Variants in USH2A observed in about 807,000 individuals in gnomAD.
The protein encoded by USH2A is Usher syndrome 2A (autosomal recessive, mild).
USH2A carries 443 observed loss-of-function variants against 538.9 expected under a neutral mutation model. The ratio of observed to expected loss-of-function variants is 0.82; its 90% confidence interval spans 0.76 to 0.89. USH2A has a LOEUF of 0.89. USH2A is among the 40% of genes least tolerant of loss of function. The pLI is 0.00. For missense variants in USH2A, 6,633 were observed against 6,324.8 expected, an observed-to-expected ratio of 1.05 and a Z score of -1.65; for synonymous variants, 2,413 against 2,273.5, an observed-to-expected ratio of 1.06 and a Z score of -1.75.
In USH2A at chr1:215,936,324, T is replaced by C. The variant is rs574026005; in HGVS notation, c.7121-1529A>G. The stretch of plus-strand genomic sequence containing the variant: ...TATACAAAATGCAAGGTTTACAATA[T>C]TTACAAAAACATTATATTTTAACAC... On this transcript the variant is annotated intron_variant, in intron 37 of 71. Transcript: ENST00000307340. 1.3e-3 allele frequency among the ~76,000 whole-genome samples: 200 copies of C among 152,142 alleles called. 1 individual carries two copies. The highest frequency in any genetic ancestry group is 4.7e-3 in the African/African-American group (195 of 41,552).
intron 3 of USH2A, among the ~76,000 whole-genome samples, chr1:216,368,437 A>C (rs184066813): frequency 2.0e-4 from 31 of 152,318 alleles, no homozygotes; most frequent in African/African-American, 7.5e-4. Context: ...GAACTAAAAG[A>C]AACTGCTGAC....
At chr1:216,275,818 C>T (rs1290076562) in intron 11 of USH2A, among the ~76,000 whole-genome samples, 2 of 152,026 alleles carry the variant, frequency 1.3e-5, no homozygotes, top group African/African-American at 4.8e-5. Context: ...ATGAACATTG[C>T]TATTTCCTAT....
intron 21 of USH2A, among the ~76,000 whole-genome samples, chr1:216,140,209 G>A (rs905775560): frequency 6.6e-6 from 1 of 152,086 alleles, no homozygotes; most frequent in Admixed American, 6.6e-5. Flanking sequence ...ACGGATTGCT[G>A]TTCACCTGCT....
intron 44 of USH2A, among the ~76,000 whole-genome samples, chr1:215,857,618 G>A (rs535923331): frequency 6.6e-6 from 1 of 152,288 alleles, no homozygotes; most frequent in South Asian, 2.1e-4. Context: ...ATCCCCTGGT[G>A]CATCCCACGT....
At chr1:215,722,850 A>T (rs893231409) in intron 61 of USH2A, among the ~76,000 whole-genome samples, 1 of 152,208 alleles carries the variant, frequency 6.6e-6, no homozygotes, top group Non-Finnish European at 1.5e-5. Flanking sequence ...GGGCACAGAT[A>T]ATAGGTAAAC....
In USH2A at chr1:215,878,771, T is replaced by C. The variant is rs377730885; in HGVS notation, c.8551A>G (p.Asn2851Asp). 3.7e-6 allele frequency: 6 copies of C among 1,613,824 alleles called. No homozygotes were observed. The African/African-American group carries it at 6.7e-5, about 18-fold the overall frequency. The change falls in exon 42 of 72, where the codon AAT (asparagine) becomes GAT (aspartate). Residue 2851 changes from asparagine (N) to aspartate (D), a missense_variant. Transcript: ENST00000307340. ...ATAGTCACCTTCTCTTACCTCAAAT[T>C]AGGTCCATTTGGCTTGGATGGTGGT... is the stretch of plus-strand genomic sequence containing the variant. ...WQPPSKPNGPNLRYELLRRKI... is the reference protein window; with the variant it reads ...WQPPSKPNGPDLRYELLRRKI...
Position 215,640,599 on chromosome 1 carries a change from C to A in USH2A, c.14927G>T (p.Gly4976Val), listed in dbSNP as rs769793837. ...CGGTATGTAGAGGGTGGTGTCCAAG[C>A]CGCTGTACACGCGTCGCCCTCCGTC... ...LTDGGRRVYS[G>V]LDTTLYIPRT... The change falls in exon 68 of 72, where the codon GGC becomes GTC. Residue 4976 changes from glycine to valine, a missense_variant. Gly to Val is a moderately radical substitution (Grantham distance 109). Coordinates refer to ENST00000307340, the MANE Select transcript of USH2A (RefSeq NM_206933.4). 2 of 1,613,792 alleles carry A rather than the reference C, an allele frequency of 1.2e-6. No individual in the cohort carries two copies. Among genetic ancestry groups the A allele is most frequent in the Non-Finnish European group, 1.7e-6 (2 of 1,179,976 alleles).
At chr1:216,029,225 A>G (rs922319613) in intron 32 of USH2A, among the ~76,000 whole-genome samples, 2 of 152,042 alleles carry the variant, frequency 1.3e-5, no homozygotes, top group African/African-American at 4.8e-5. Context: ...GAATTTAGCA[A>G]TTATTGAATT....
At chr1:216,192,176 C>T (rs2034729869) in intron 19 of USH2A, among the ~76,000 whole-genome samples, 1 of 151,972 alleles carries the variant, frequency 6.6e-6, no homozygotes, top group Admixed American at 6.6e-5. Context: ...TACGTATCCC[C>T]CCTGTCTCAT....
At chr1:215,716,302 C>T (rs966231374) in intron 61 of USH2A, among the ~76,000 whole-genome samples, 2 of 152,200 alleles carry the variant, frequency 1.3e-5, no homozygotes, top group Non-Finnish European at 2.9e-5. Flanking sequence ...ATGAGCTATG[C>T]GTCTTGACGG....
chr1:215,932,103 A>G (rs930935757), intron 38 of USH2A, among the ~76,000 whole-genome samples: 1 of 152,026 alleles, frequency 6.6e-6, no homozygotes, highest in Non-Finnish European at 1.5e-5. Flanking sequence ...TAAGGATATT[A>G]TCATCACAAA....
At chr1:216,031,077 T>C (rs907360562) in intron 32 of USH2A, among the ~76,000 whole-genome samples, 5 of 152,048 alleles carry the variant, frequency 3.3e-5, no homozygotes, top group Non-Finnish European at 7.4e-5. Flanking sequence ...ATTTACAGCT[T>C]TAGAGATTTT....
At chr1:215,805,953 C>T (rs1012793668) in intron 49 of USH2A, among the ~76,000 whole-genome samples, 2 of 148,444 alleles carry the variant, frequency 1.3e-5, no homozygotes, top group African/African-American at 2.5e-5. Context: ...ACCTACTTTG[C>T]CTTTATTAGT....
At chr1:216,069,426 T>G (rs2031485307) in intron 30 of USH2A, among the ~76,000 whole-genome samples, 1 of 151,918 alleles carries the variant, frequency 6.6e-6, no homozygotes, top group Admixed American at 6.6e-5. Context: ...GAGGAAAATG[T>G]TTTTTTTCTG....
chr1:216,299,783 C>A (rs2037179202), intron 9 of USH2A, among the ~76,000 whole-genome samples: 1 of 151,980 alleles, frequency 6.6e-6, no homozygotes, highest in African/African-American at 2.4e-5. Context: ...AGTTTTTGAG[C>A]CACCAGTAAA....
chr1:215,717,438 G>T (rs143107212), intron 61 of USH2A, among the ~76,000 whole-genome samples: 1 of 152,210 alleles, frequency 6.6e-6, no homozygotes, highest in East Asian at 1.9e-4. Flanking sequence ...TGCTGGGTTT[G>T]GATTCAGGAG....
intron 62 of USH2A, 81 bp downstream of exon 62, chr1:215,680,068 C>T (rs1293341771): frequency 7.0e-7 from 1 of 1,430,016 alleles, no homozygotes; most frequent in African/African-American, 1.4e-5. Context: ...AGTTTTCCCA[C>T]AGTGACCTGA....
intron 3 of USH2A, among the ~76,000 whole-genome samples, chr1:216,401,672 T>A (rs917173688): frequency 2.6e-5 from 4 of 152,028 alleles, no homozygotes; most frequent in Admixed American, 2.6e-4. Context: ...ATAGCATAGA[T>A]TTCAGAACAA....
chr1:215,939,811 C>T (rs1414890168), intron 37 of USH2A, among the ~76,000 whole-genome samples: 2 of 151,960 alleles, frequency 1.3e-5, no homozygotes, highest in East Asian at 3.9e-4. Flanking sequence ...TTTCAATATT[C>T]TATAATTTGA....
Sources: gnomAD v4.1 joint callset for allele counts (sites outside exome capture counted in the v4.1 genomes callset) on GRCh38, gnomAD v4.1.1 for gene constraint, MANE v1.5 for transcripts, NCBI Gene and HGNC (gene_info 2026-07-23, HGNC 2026-07-21) for gene names.